The following WWTR1 variants were observed in gnomAD, a reference collection of about 807,000 sequenced individuals.
WWTR1 encodes WW domain containing transcription regulator 1.
In WWTR1, 13 loss-of-function variants were observed where a neutral mutation model predicts 40.1. The ratio of observed to expected loss-of-function variants is 0.32; its 90% confidence interval spans 0.21 to 0.52. WWTR1 has a LOEUF of 0.52. Among genes scored for constraint, WWTR1 ranks in the 20% least tolerant of loss-of-function variants. The pLI, the probability that WWTR1 is intolerant of heterozygous loss-of-function variation, is 0.97. For synonymous variants in WWTR1, 230 were observed against 210.1 expected (o/e 1.09, Z -0.82); for missense variants, 436 against 523.1 (o/e 0.83, Z 1.63).
upstream of WWTR1, among the ~76,000 whole-genome samples, chr3:149,706,223 A>G (rs1715328941): frequency 6.6e-6 from 1 of 152,234 alleles, no homozygotes; most frequent in African/African-American, 2.4e-5. Context: ...ATAAAAAAGA[A>G]AAAAAGAAAA....
intron 4 of WWTR1, among the ~76,000 whole-genome samples, chr3:149,531,092 G>A (rs890481532): frequency 5.3e-5 from 8 of 152,148 alleles, no homozygotes; most frequent in East Asian, 1.9e-4. Flanking sequence ...GTGCCACCAC[G>A]CCCAGCTAAT....
chr3:149,687,349 G>A, intron 1 of WWTR1, among the ~76,000 whole-genome samples: 1 of 152,158 alleles, frequency 6.6e-6, no homozygotes, highest in East Asian at 1.9e-4. Context: ...CCTGTAGCCA[G>A]AGCAATCTCT....
chr3:149,702,528 A>G (rs746071250), intron 1 of WWTR1: 7 of 151,230 alleles, frequency 4.6e-5, no homozygotes, highest in Non-Finnish European at 1.0e-4. Flanking sequence ...ATATTATGGC[A>G]AAATTGTTTG....
chr3:149,679,180 C>T (rs1198454939), intron 1 of WWTR1, among the ~76,000 whole-genome samples: 1 of 151,586 alleles, frequency 6.6e-6, no homozygotes, highest in Non-Finnish European at 1.5e-5. Context: ...ATTTCAACTG[C>T]AATCAGTAAA....
intron 3 of WWTR1, among the ~76,000 whole-genome samples, chr3:149,548,428 T>C (rs186219800): frequency 3.9e-5 from 6 of 152,356 alleles, no homozygotes; most frequent in Admixed American, 2.6e-4. Context: ...CAGGTTTCAG[T>C]GGCTTGCTCT....
chr3:149,545,535 G>T (rs1736325465), intron 3 of WWTR1, among the ~76,000 whole-genome samples: 2 of 152,070 alleles, frequency 1.3e-5, no homozygotes, highest in Admixed American at 1.3e-4. Flanking sequence ...TGTTATTGTT[G>T]TTTTGAGACA....
intron 2 of WWTR1, among the ~76,000 whole-genome samples, chr3:149,578,267 T>A (rs1029309417): frequency 6.6e-6 from 1 of 152,116 alleles, no homozygotes; most frequent in Non-Finnish European, 1.5e-5. Context: ...TAATTGGATA[T>A]CCTAGTCACA....
chr3:149,655,873 T>A (rs1013468315), intron 2 of WWTR1, among the ~76,000 whole-genome samples: 3 of 152,214 alleles, frequency 2.0e-5, no homozygotes, highest in African/African-American at 7.2e-5. Context: ...CTAAGGCTAC[T>A]CTACTAAAGA....
chr3:149,705,920 G>A (rs769790928), upstream of WWTR1, among the ~76,000 whole-genome samples: 3 of 152,156 alleles, frequency 2.0e-5, no homozygotes, highest in African/African-American at 4.8e-5. Flanking sequence ...GTTGCAGTGC[G>A]GTGGCTCATT....
intron 2 of WWTR1, among the ~76,000 whole-genome samples, chr3:149,625,153 G>A (rs545502640): frequency 8.6e-6 from 1 of 116,178 alleles, no homozygotes; most frequent in African/African-American, 3.4e-5. Flanking sequence ...ACGGAGTCTC[G>A]CTCTGTTGCC....
At chr3:149,568,761 CTTTTTGTTGTTG>C (rs1737475399) in intron 3 of WWTR1, among the ~76,000 whole-genome samples, 1 of 152,080 alleles carries the variant, frequency 6.6e-6, no homozygotes, top group African/African-American at 2.4e-5. Flanking sequence ...ATCTAAAGCT[CTTTTTGTTGTTG>C]TTTTTGTTGT....
chr3:149,609,068 C>CA (rs59361526), intron 2 of WWTR1, among the ~76,000 whole-genome samples: 4 of 151,262 alleles, frequency 2.6e-5, no homozygotes, highest in Non-Finnish European at 4.4e-5. Context: ...GACCTTGTCT[C>CA]AAAAAAAACC....
chr3:149,632,612 A>G (rs1475295813), intron 2 of WWTR1, among the ~76,000 whole-genome samples: 3 of 152,234 alleles, frequency 2.0e-5, no homozygotes, highest in African/African-American at 7.2e-5. Flanking sequence ...TTTTCCACTC[A>G]AAAATGGATG....
At chr3:149,542,669 A>G (rs1245842278) in intron 3 of WWTR1, 132 bp from the exon 4 acceptor site, 21 of 957,548 alleles carry the variant, frequency 2.2e-5, no homozygotes, top group Admixed American at 3.2e-5. Flanking sequence ...CCTGTTAACC[A>G]TTACTGTTTA....
At chr3:149,566,822 A>C (rs941701874) in intron 3 of WWTR1, among the ~76,000 whole-genome samples, 3 of 151,994 alleles carry the variant, frequency 2.0e-5, no homozygotes, top group East Asian at 3.8e-4. Flanking sequence ...GAAAAAAAAA[A>C]AAAAACACAC....
At position 149,719,240 on chromosome 3, in the gene WWTR1, G is replaced by C. The variant is rs529239257; in HGVS notation, n.460-1674C>G. Among the ~76,000 whole-genome samples the C allele has an allele frequency of 2.0e-5, 3 of 151,606 alleles. No homozygotes were observed. In the South Asian group the frequency reaches 6.3e-4, roughly 32 times the overall value. ...CTGGGGTGCAGTGGCATCATCTTGG[G>C]GCTCACTGCAACCTCTGCCTCCCGA... On this transcript the variant is annotated intron_variant and non_coding_transcript_variant, in intron 4 of 6. Transcript: ENST00000474080.
At chr3:149,607,797 T>C (rs1022341276) in intron 2 of WWTR1, among the ~76,000 whole-genome samples, 3 of 152,232 alleles carry the variant, frequency 2.0e-5, no homozygotes, top group Non-Finnish European at 4.4e-5. Flanking sequence ...AACAAAGACC[T>C]GTGTGACTGT....
At chr3:149,648,932 T>C (rs1224017567) in intron 2 of WWTR1, 1 of 152,208 alleles carries the variant, frequency 6.6e-6, no homozygotes, top group African/African-American at 2.4e-5. Flanking sequence ...ACATTTCTTC[T>C]TTTAGGACAT....
intron 1 of WWTR1, among the ~76,000 whole-genome samples, chr3:149,673,001 A>T (rs936161916): frequency 1.3e-5 from 2 of 152,174 alleles, no homozygotes; most frequent in African/African-American, 4.8e-5. Context: ...AAAAAGAAAA[A>T]GTATGAATTG....
Sources: gnomAD v4.1 joint callset for allele counts (sites outside exome capture counted in the v4.1 genomes callset) on GRCh38, gnomAD v4.1.1 for gene constraint, MANE v1.5 for transcripts, NCBI Gene and HGNC (gene_info 2026-07-23, HGNC 2026-07-21) for gene names.